The following CLCN5 variants were observed in gnomAD, a reference collection of about 807,000 sequenced individuals.
CLCN5 encodes the protein Cl-/H+ antiporter 5, also known as H(+)/Cl(-) exchange transporter 5.
Under a neutral mutation model 54.0 loss-of-function variants are expected in CLCN5, and 17 were observed. The observed-to-expected ratio is 0.31, with a 90% CI of 0.22 to 0.47. The LOEUF (loss-of-function observed/expected upper bound fraction) is 0.47. Ranked by LOEUF, CLCN5 falls within the 20% of genes least tolerant of loss-of-function variation. CLCN5 has a pLI of 1.00. For missense variants in CLCN5, 448 were observed against 646.7 expected, an observed-to-expected ratio of 0.69 and a Z score of 3.33; for synonymous variants, 222 against 233.0, an observed-to-expected ratio of 0.95 and a Z score of 0.43.
At chrX:49,957,069 C>T (rs1252399283) in intron 3 of CLCN5, among the ~76,000 whole-genome samples, 2 of 111,710 alleles carry the variant, frequency 1.8e-5, no homozygotes, top group Non-Finnish European at 3.8e-5. Context: ...GAGGCCGAGG[C>T]GGGTGGATCA....
At chrX:50,002,298 A>T (rs1331822862) in intron 3 of CLCN5, among the ~76,000 whole-genome samples, 1 of 110,830 alleles carries the variant, frequency 9.0e-6, no homozygotes, top group African/African-American at 3.3e-5. Context: ...ACTTTAACAC[A>T]TCCAAAGCTG....
At chrX:49,991,178 T>C (rs1266931286) in intron 3 of CLCN5, among the ~76,000 whole-genome samples, 1 of 112,422 alleles carries the variant, frequency 8.9e-6, no homozygotes, top group East Asian at 2.8e-4. Context: ...CCACCAGCAG[T>C]GTAGAAGTGT....
rs34262397 is a variant in CLCN5 at position 50,077,621 on chromosome X, A to AGTGT, written c.603+1670_603+1673dup. ...GAGAGAGAGAGAGAGAGAGAGAGAGAGTGTGTGTGTGTGTGTGTGTGTGTG... is the reference window on the plus strand; with the variant it reads ...GAGAGAGAGAGAGAGAGAGAGAGAGAGTGTGTGTGTGTGTGTGTGTGTGTGTGTG... On this transcript the variant is annotated intron_variant, in intron 7 of 14. Transcript: ENST00000376091. Among the ~76,000 whole-genome samples the AGTGT allele has an allele frequency of 7.8e-3, 612 of 78,675 alleles. 5 individuals carry two copies. The highest frequency in any genetic ancestry group is 0.012 in the Middle Eastern group (2 of 165). The allele number at this position is 78,675 out of a possible 115,157, so 68.3% of individuals were successfully genotyped here. A position where few individuals can be genotyped will look rare whatever the true frequency, so the allele number is the denominator to read the frequency against.
intron 3 of CLCN5, among the ~76,000 whole-genome samples, chrX:49,950,608 C>A (rs1926992902): frequency 9.0e-6 from 1 of 111,705 alleles, no homozygotes; most frequent in African/African-American, 3.3e-5. Flanking sequence ...GTGTAAAATA[C>A]ACACCAGATT....
At chrX:50,050,669 T>TC (rs2147492642) in intron 4 of CLCN5, among the ~76,000 whole-genome samples, 1 of 94,925 alleles carries the variant, frequency 1.1e-5, no homozygotes, top group Admixed American at 1.1e-4. Context: ...TTTTTTTTTT[T>TC]TTTTTTTTGA....
intron 2 of CLCN5, among the ~76,000 whole-genome samples, chrX:49,923,956 A>G (rs1557167588): frequency 8.9e-6 from 1 of 112,330 alleles, no homozygotes; most frequent in African/African-American, 3.2e-5. Context: ...TATGGAAATA[A>G]CAATCTACTT....
chrX:50,085,446 C>T (rs2147592587), intron 9 of CLCN5: 1 of 128,623 alleles, frequency 7.8e-6, no homozygotes, highest in South Asian at 2.5e-4. Context: ...ATTTCTGTGT[C>T]CATAGGTTAT....
intron 3 of CLCN5, among the ~76,000 whole-genome samples, chrX:49,990,581 G>A (rs1000308738): frequency 3.6e-5 from 4 of 111,502 alleles, no homozygotes; most frequent in Non-Finnish European, 7.5e-5. Flanking sequence ...GGGCTTACAG[G>A]CACCCGCCAC....
chrX:49,945,443 C>A (rs1926648125), intron 3 of CLCN5: 1 of 108,366 alleles, frequency 9.2e-6, no homozygotes, highest in Non-Finnish European at 1.9e-5. Flanking sequence ...AAATAAGCGC[C>A]CTTTCGATTT....
chrX:50,025,430 A>C, intron 3 of CLCN5, among the ~76,000 whole-genome samples: 1 of 102,013 alleles, frequency 9.8e-6, no homozygotes, highest in African/African-American at 3.7e-5. Flanking sequence ...TGCAGAAATC[A>C]CCCGTCTTCT....
chrX:49,942,947 ATTTCTAGTTCTAGAT>A (rs1463197370), intron 3 of CLCN5, among the ~76,000 whole-genome samples: 2 of 104,816 alleles, frequency 1.9e-5, no homozygotes, highest in Non-Finnish European at 3.9e-5. Flanking sequence ...GTCAAATGGT[ATTTCTAGTTCTAGAT>A]CCCTGAGGAA....
At chrX:49,964,292 C>T (rs1363330283) in intron 3 of CLCN5, among the ~76,000 whole-genome samples, 1 of 112,219 alleles carries the variant, frequency 8.9e-6, no homozygotes, top group Non-Finnish European at 1.9e-5. Context: ...AGATTTTTGT[C>T]AGTTACAGCT....
chrX:49,927,483 G>A (rs1230803495), intron 3 of CLCN5, among the ~76,000 whole-genome samples: 1 of 111,914 alleles, frequency 8.9e-6, no homozygotes, highest in Non-Finnish European at 1.9e-5. Context: ...AGCAAAGTAC[G>A]ATGATAGTTT....
chrX:50,042,279 T>A, intron 3 of CLCN5, 37 bp from the exon 4 acceptor site: 1 of 824,380 alleles, frequency 1.2e-6, no homozygotes, highest in Non-Finnish European at 1.7e-6. Flanking sequence ...GACTTGAAGA[T>A]CATTGTTATA....
In CLCN5 at chrX:50,097,259, ACAT is replaced by A. The variant is rs1295353992; in HGVS notation, c.*5042_*5044del. The A allele has an allele frequency of 8.9e-6, 1 of 112,519 alleles. No homozygotes were observed. The allele number at this position is 112,519 out of a possible 1,213,427, so 9.3% of individuals were successfully genotyped here. On this transcript the variant is annotated 3_prime_UTR_variant, in exon 15 of 15. Coordinates refer to ENST00000376091, the MANE Select transcript of CLCN5 (RefSeq NM_001127898.4). ...TTGCTGGCCACATTCTCATTTCTAA[ACAT>A]CTGGATCTGGGTAAAGGTTTGAATA...
chrX:49,959,633 A>G (rs1242100869), intron 3 of CLCN5, among the ~76,000 whole-genome samples: 1 of 112,266 alleles, frequency 8.9e-6, no homozygotes, highest in Non-Finnish European at 1.9e-5. Flanking sequence ...ATGTTGTTCA[A>G]CAACTTTCCT....
chrX:50,070,169 T>G, intron 5 of CLCN5, 139 bp downstream of exon 5: 1 of 562,416 alleles, frequency 1.8e-6, no homozygotes, highest in Non-Finnish European at 2.8e-6. Flanking sequence ...TAGAGTTTCA[T>G]TTTTAAATTT....
chrX:49,977,557 A>G (rs902912757), intron 3 of CLCN5, among the ~76,000 whole-genome samples: 26 of 111,742 alleles, frequency 2.3e-4, no homozygotes, highest in Non-Finnish European at 1.9e-4. Flanking sequence ...CACAGTTGCC[A>G]TATGTTGTCA....
At chrX:50,056,732 G>A (rs1236742109) in intron 4 of CLCN5, among the ~76,000 whole-genome samples, 1 of 112,004 alleles carries the variant, frequency 8.9e-6, no homozygotes, top group Non-Finnish European at 1.9e-5. Context: ...CCACAACCCA[G>A]TAAAGATGGA....
Sources: allele counts gnomAD v4.1 joint callset (sites outside exome capture counted in the v4.1 genomes callset), GRCh38; gene constraint gnomAD v4.1.1; transcripts MANE v1.5; gene names NCBI Gene and HGNC (gene_info 2026-07-23, HGNC 2026-07-21).